CFLAR: variants seen among roughly 807,000 people sequenced by gnomAD.
CFLAR encodes the protein CASP8 and FADD like apoptosis regulator, also known as CASP8 and FADD-like apoptosis regulator.
Under a neutral mutation model 51.1 loss-of-function variants are expected in CFLAR, and 14 were observed. The ratio of observed to expected loss-of-function variants is 0.27; its 90% CI spans 0.18 to 0.43. The LOEUF is 0.43. CFLAR is among the 20% of genes least tolerant of loss of function. CFLAR has a pLI of 1.00. For synonymous variants in CFLAR, 210 were observed against 211.6 expected (o/e 0.99, Z 0.06); for missense variants, 390 against 566.5 (o/e 0.69, Z 3.16).
At position 201,148,743 on chromosome 2, in the gene CFLAR, G is replaced by C. The variant is rs1940732127; in HGVS notation, c.662-260G>C. ...GCCACCTGTTCCTCACCTAGAACGG[G>C]GTAGGGGAGAGCCTTCTTTCACTTG... On this transcript the variant is annotated intron_variant, in intron 6 of 9. Transcript: ENST00000309955. 7.3e-6 allele frequency: 3 copies of C among 409,622 alleles called. No homozygotes were observed. In the East Asian group the frequency reaches 1.4e-4, roughly 18 times the overall value. 25.4% of individuals were successfully genotyped at this position (409,622 alleles called of 1,614,324 possible).
At chr2:201,131,278 C>T (rs2049286416) in intron 2 of CFLAR, among the ~76,000 whole-genome samples, 1 of 152,148 alleles carries the variant, frequency 6.6e-6, no homozygotes, top group African/African-American at 2.4e-5. Context: ...GCTCTGCAGC[C>T]CAGGCTGGAG....
At chr2:201,130,320 A>AAAC (rs1384186935) in intron 2 of CFLAR, among the ~76,000 whole-genome samples, 174 bp downstream of exon 2, 2 of 149,436 alleles carry the variant, frequency 1.3e-5, no homozygotes, top group African/African-American at 4.9e-5. Flanking sequence ...TAAATTCTTG[A>AAAC]AACTTGTTTT....
At chr2:201,146,879 G>A (rs909002951) in intron 6 of CFLAR, 5 of 152,178 alleles carry the variant, frequency 3.3e-5, no homozygotes, top group Non-Finnish European at 5.9e-5. Flanking sequence ...TATTTTGCCC[G>A]GATTAGTCAG....
Position 201,167,272 on chromosome 2 carries a change from G to A in CFLAR, c.*3299G>A, listed in dbSNP as rs1943692034. 1 of 152,178 alleles carries A rather than the reference G, an allele frequency of 6.6e-6. No individual in the cohort carries two copies. The highest frequency in any genetic ancestry group is 2.4e-5 in the African/African-American group (1 of 41,388). 9.4% of individuals were successfully genotyped at this position (152,178 alleles called of 1,614,324 possible). On this transcript the variant is annotated 3_prime_UTR_variant, in exon 10 of 10. Transcript: ENST00000309955. ...TAATCTGAGTACTTTGGGAGGCTGA[G>A]GTGGACTGATCACTTGAGCCCAGGA...
intron 8 of CFLAR, among the ~76,000 whole-genome samples, chr2:201,154,789 C>T (rs1559237104): frequency 6.6e-6 from 1 of 152,228 alleles, no homozygotes; most frequent in Non-Finnish European, 1.5e-5. Context: ...AGCTTTATTT[C>T]TTTGTTTGTC....
At position 201,174,993 on chromosome 2, in the gene CFLAR, C is replaced by T. The variant is rs183866210; in HGVS notation, c.*11020C>T. ...TACATTAGCACGCTAAAAGAAACTT[C>T]TACAGCACCATGATAGTTTACAACT... is the stretch of plus-strand genomic sequence containing the variant. On this transcript the variant is annotated 3_prime_UTR_variant, in exon 10 of 10. Coordinates refer to ENST00000309955, the MANE Select transcript of CFLAR (RefSeq NM_003879.7). 6.6e-6 allele frequency: 1 copy of T among 152,320 alleles called. No individual in the cohort carries two copies. Among genetic ancestry groups the T allele is most frequent in the East Asian group, 1.9e-4 (1 of 5,188 alleles). The allele number at this position is 152,320 out of a possible 1,614,324, so 9.4% of individuals were successfully genotyped here. A position where few individuals can be genotyped will look rare whatever the true frequency, so the allele number is the denominator to read the frequency against.
intron 2 of CFLAR, 129 bp from the exon 3 acceptor site, chr2:201,132,900 G>A (rs1313453195): frequency 2.4e-6 from 2 of 831,922 alleles, no homozygotes; most frequent in Non-Finnish European, 3.7e-6. Flanking sequence ...GTTTTATGAG[G>A]GAGGGACATA....
intron 8 of CFLAR, chr2:201,151,283 A>G (rs1449463822): frequency 1.3e-5 from 2 of 152,214 alleles, no homozygotes; most frequent in African/African-American, 4.8e-5. Context: ...GAATGAGAAG[A>G]GCCTAGATAA....
In CFLAR at chr2:201,166,414, G is replaced by GC. The variant is rs56112223; in HGVS notation, c.*2442dup. ...TCCTCACTTCTCAGACGGGGCAGCT[G>GC]CGGGCGGAGGGGCTCCTCACTTCTC... is the stretch of plus-strand genomic sequence containing the variant. On this transcript the variant is annotated 3_prime_UTR_variant, in exon 10 of 10. Transcript: ENST00000309955. 161,244 of 161,366 alleles carry GC rather than the reference G, an allele frequency of 1. 80,563 individuals are homozygous for GC. Among genetic ancestry groups the GC allele is most frequent in the Non-Finnish European group, 1 (74,139 of 74,178 alleles). 10.0% of individuals were successfully genotyped at this position (161,366 alleles called of 1,614,324 possible). A position where few individuals can be genotyped will look rare whatever the true frequency, so the allele number is the denominator to read the frequency against.
At chr2:201,126,581 A>C (rs1456378724) in intron 1 of CFLAR, among the ~76,000 whole-genome samples, 1 of 152,222 alleles carries the variant, frequency 6.6e-6, no homozygotes, top group African/African-American at 2.4e-5. Flanking sequence ...AGTAAAAACA[A>C]GGTTGGGCAT....
rs552264985 is a variant in CFLAR at position 201,145,430 on chromosome 2, A to G, written c.659A>G (p.Gln220Arg). Residue 220 changes from glutamine to arginine, a missense_variant and splice_region_variant, in exon 6 of 10, where the codon CAA (glutamine) becomes CGA (arginine). Around this residue, in one of 2 missense-constraint regions of CFLAR, gnomAD observed 287 missense variants for 363.6 expected, o/e 0.79. Coordinates refer to ENST00000309955, the MANE Select transcript of CFLAR (RefSeq NM_003879.7). ...EQRLKEQLGA[Q>R]QEPVKKSIQE... ...AGACTTAAGGAACAGCTTGGCGCTC[A>G]ACGTAAGACCACCTTTTTTTAATAT... is the stretch of plus-strand genomic sequence containing the variant. 3.1e-6 allele frequency: 5 copies of G among 1,591,130 alleles called. No homozygotes were observed. The highest frequency in any genetic ancestry group is 3.4e-6 in the Non-Finnish European group (4 of 1,161,022).
intron 4 of CFLAR, 198 bp downstream of exon 4, chr2:201,136,305 A>G: frequency 6.3e-7 from 1 of 1,599,004 alleles, no homozygotes. Context: ...ATTGCCCTGT[A>G]TATTCATGAT....
intron 8 of CFLAR, among the ~76,000 whole-genome samples, chr2:201,158,425 A>C (rs1268340256): frequency 6.6e-6 from 1 of 152,234 alleles, no homozygotes; most frequent in Non-Finnish European, 1.5e-5. Flanking sequence ...ATAAGGAAGG[A>C]CATTTATCAG....
rs553059487 is a variant in CFLAR, at chr2:201,127,142, G to C, written c.-137-2587G>C. On this transcript the variant is annotated intron_variant, in intron 1 of 9. Coordinates refer to ENST00000309955, the MANE Select transcript of CFLAR (RefSeq NM_003879.7). ...AAAAGTAAACTGCTGAAAACACTTG[G>C]GGGGAGAAATGAAGCTAATGGTATC... Among the ~76,000 whole-genome samples the C allele has an allele frequency of 3.0e-3, 464 of 152,280 alleles. 3 individuals carry two copies. Among genetic ancestry groups the C allele is most frequent in the Non-Finnish European group, 5.6e-3 (382 of 68,022 alleles).
Position 201,133,696 on chromosome 2 carries a change from C to T in CFLAR, c.387+562C>T, listed in dbSNP as rs574166381. Among the ~76,000 whole-genome samples, 8 of 151,450 alleles carry T rather than the reference C, an allele frequency of 5.3e-5. No individual in the cohort carries two copies. In the East Asian group the frequency reaches 1.6e-3, roughly 30 times the overall value. On this transcript the variant is annotated intron_variant, in intron 3 of 9. Coordinates refer to ENST00000309955, the MANE Select transcript of CFLAR (RefSeq NM_003879.7). ...CTGTAATCCCAGCACTTTGGGGGGC[C>T]AAGGTGGGTGGATCACGAGGTCAGG...
Position 201,168,811 on chromosome 2 carries a change from A to C in CFLAR, c.*4838A>C, listed in dbSNP as rs1220106397. ...AATGTGCAGAAATCACAAGCATTCTATACACCAACAATACACAAGCAGAGA... is the reference window on the plus strand; with the variant it reads ...AATGTGCAGAAATCACAAGCATTCTCTACACCAACAATACACAAGCAGAGA... On this transcript the variant is annotated 3_prime_UTR_variant, in exon 10 of 10. Coordinates refer to ENST00000309955, the MANE Select transcript of CFLAR (RefSeq NM_003879.7). 1 of 152,200 alleles carries C rather than the reference A, an allele frequency of 6.6e-6. No homozygotes were observed. The highest frequency in any genetic ancestry group is 2.4e-5 in the African/African-American group (1 of 41,444). The allele number at this position is 152,200 out of a possible 1,614,324, so 9.4% of individuals were successfully genotyped here.
chr2:201,175,009 G>C lies in CFLAR; in HGVS notation c.*11036G>C, dbSNP rs1944148384. The C allele has an allele frequency of 6.6e-6, 1 of 152,204 alleles. No individual in the cohort carries two copies. Among genetic ancestry groups the C allele is most frequent in the Non-Finnish European group, 1.5e-5 (1 of 68,034 alleles). 9.4% of individuals were successfully genotyped at this position (152,204 alleles called of 1,614,324 possible). On this transcript the variant is annotated 3_prime_UTR_variant, in exon 10 of 10. Coordinates refer to ENST00000309955, the MANE Select transcript of CFLAR (RefSeq NM_003879.7). ...AAGAAACTTCTACAGCACCATGATA[G>C]TTTACAACTGCCATAGCAACTTTCA...
At chr2:201,160,356 T>C in intron 8 of CFLAR, 76 bp from the exon 9 acceptor site, 5 of 1,454,674 alleles carry the variant, frequency 3.4e-6, no homozygotes, top group South Asian at 2.5e-5. Flanking sequence ...AGACCATGTC[T>C]AGGATTCCTA....
rs1939916600 is a variant in CFLAR at position 201,145,379 on chromosome 2, T to C, written c.608T>C (p.Leu203Pro). ...TGACCTTATTCTTTGTATTTGAAGC[T>C]CCATAATGGGAGAAGTAAAGAACAA... ...SLKDPSNNFR[L>P]HNGRSKEQRL... The change falls in exon 6 of 10, where the codon CTC (leucine) becomes CCC (proline). Residue 203 changes from leucine to proline, a missense_variant and splice_region_variant. Coordinates refer to ENST00000309955, the MANE Select transcript of CFLAR (RefSeq NM_003879.7). 6.3e-7 allele frequency: 1 copy of C among 1,599,288 alleles called. No homozygotes were observed. Among genetic ancestry groups the C allele is most frequent in the Non-Finnish European group, 8.6e-7 (1 of 1,167,194 alleles).
Sources: allele counts gnomAD v4.1 joint callset (sites outside exome capture counted in the v4.1 genomes callset), GRCh38; gene constraint gnomAD v4.1.1; regional missense constraint gnomAD v4.1.1; transcripts MANE v1.5; gene names NCBI Gene and HGNC (gene_info 2026-07-23, HGNC 2026-07-21).